The following TAFA2 variants were observed in gnomAD, a reference collection of about 807,000 sequenced individuals.
The protein encoded by TAFA2 is chemokine-like protein TAFA-2.
In TAFA2, 7 loss-of-function variants were observed where a neutral mutation model predicts 18.8. The ratio of observed to expected loss-of-function variants is 0.37; its 90% CI spans 0.21 to 0.70. The LOEUF is 0.70. TAFA2 is among the 30% of genes least tolerant of loss of function. The probability of loss-of-function intolerance (pLI) is 0.53; values close to 1 mark genes in which losing one functional copy is unlikely to be tolerated. For synonymous variants in TAFA2, 60 were observed against 54.2 expected (o/e 1.11, Z -0.47); for missense variants, 122 against 158.1 (o/e 0.77, Z 1.23).
At chr12:61,885,807 G>A (rs756318036) in intron 1 of TAFA2, among the ~76,000 whole-genome samples, 1 of 152,174 alleles carries the variant, frequency 6.6e-6, no homozygotes, top group African/African-American at 2.4e-5. Flanking sequence ...GAGTGTCGGT[G>A]TTACATCATG....
chr12:61,973,642 G>A (rs192664522), intron 1 of TAFA2, among the ~76,000 whole-genome samples: 2 of 151,610 alleles, frequency 1.3e-5, no homozygotes, highest in Admixed American at 6.6e-5. Context: ...AAGCTCCCCA[G>A]GTGAGTCCAA....
chr12:62,118,765 T>C (rs1297243844), intron 1 of TAFA2, among the ~76,000 whole-genome samples: 1 of 152,126 alleles, frequency 6.6e-6, no homozygotes, highest in Non-Finnish European at 1.5e-5. Context: ...GTTAGTCATA[T>C]GAGTTTTCTC....
chr12:61,738,327 A>ACC, intron 4 of TAFA2, among the ~76,000 whole-genome samples: 1 of 146,908 alleles, frequency 6.8e-6, no homozygotes, highest in Admixed American at 6.8e-5. Context: ...ACACACACAC[A>ACC]CAAACCTAGC....
chr12:62,101,065 G>A (rs1371632451), intron 1 of TAFA2, among the ~76,000 whole-genome samples: 1 of 152,006 alleles, frequency 6.6e-6, no homozygotes, highest in Non-Finnish European at 1.5e-5. Context: ...CAAGCACTCA[G>A]AATGCAGAAA....
chr12:61,932,074 T>C (rs1209564648), intron 1 of TAFA2, among the ~76,000 whole-genome samples: 1 of 152,150 alleles, frequency 6.6e-6, no homozygotes, highest in Non-Finnish European at 1.5e-5. Flanking sequence ...TATCAGAAAA[T>C]TAATTTCCTC....
intron 2 of TAFA2, among the ~76,000 whole-genome samples, chr12:61,829,203 A>C (rs183661616): frequency 6.6e-6 from 1 of 151,870 alleles, no homozygotes; most frequent in African/African-American, 2.4e-5. Context: ...ATAGTACTGC[A>C]CTGAAGTTTG....
intron 2 of TAFA2, among the ~76,000 whole-genome samples, chr12:61,787,563 T>G (rs1052018284): frequency 6.6e-6 from 1 of 151,634 alleles, no homozygotes; most frequent in Admixed American, 6.6e-5. Flanking sequence ...AAAATGTAAA[T>G]TGTGAAGAGG....
intron 2 of TAFA2, among the ~76,000 whole-genome samples, chr12:61,825,088 A>C (rs1368652171): frequency 6.6e-6 from 1 of 152,148 alleles, no homozygotes; most frequent in Non-Finnish European, 1.5e-5. Context: ...TTTATTGGAG[A>C]AACTTAAAGG....
At chr12:61,875,183 G>A (rs1025892508) in intron 1 of TAFA2, among the ~76,000 whole-genome samples, 2 of 152,056 alleles carry the variant, frequency 1.3e-5, no homozygotes, top group African/African-American at 4.8e-5. Flanking sequence ...CTAAAGGTAT[G>A]TCTTTCATTC....
intron 1 of TAFA2, among the ~76,000 whole-genome samples, chr12:62,228,596 G>A (rs2062798172): frequency 6.6e-6 from 1 of 152,134 alleles, no homozygotes; most frequent in Non-Finnish European, 1.5e-5. Context: ...GTATAAGATA[G>A]TATCTCACTG....
At chr12:61,776,346 G>A in intron 2 of TAFA2, 1 of 168,958 alleles carries the variant, frequency 5.9e-6, no homozygotes, top group Non-Finnish European at 1.3e-5. Context: ...CACACTTTGT[G>A]AGAACCAACG....
At chr12:61,738,111 T>C (rs976555025) in intron 4 of TAFA2, among the ~76,000 whole-genome samples, 5 of 152,016 alleles carry the variant, frequency 3.3e-5, no homozygotes, top group Non-Finnish European at 7.4e-5. Flanking sequence ...CTGCATCAGT[T>C]TCTACTTGGT....
chr12:62,090,378 A>G (rs1868657851), intron 1 of TAFA2, among the ~76,000 whole-genome samples: 1 of 152,096 alleles, frequency 6.6e-6, no homozygotes, highest in Admixed American at 6.6e-5. Flanking sequence ...ACTGGACCAC[A>G]TATCAAAATT....
intron 4 of TAFA2, among the ~76,000 whole-genome samples, chr12:61,749,684 G>A (rs778902355): frequency 3.3e-5 from 5 of 152,022 alleles, no homozygotes; most frequent in African/African-American, 4.8e-5. Flanking sequence ...TGCATAAAGT[G>A]AAAGATTTCA....
At chr12:62,209,781 G>C (rs1302744980) in intron 1 of TAFA2, among the ~76,000 whole-genome samples, 1 of 152,180 alleles carries the variant, frequency 6.6e-6, no homozygotes, top group African/African-American at 2.4e-5. Flanking sequence ...CCAAAAGTGG[G>C]AAAGAAAACT....
At chr12:62,147,060 A>G (rs1343611776) in intron 1 of TAFA2, among the ~76,000 whole-genome samples, 1 of 151,546 alleles carries the variant, frequency 6.6e-6, no homozygotes, top group Non-Finnish European at 1.5e-5. Flanking sequence ...AAAATGAACC[A>G]TGAGGAAAGG....
chr12:62,123,612 C>G (rs984299860), intron 1 of TAFA2, among the ~76,000 whole-genome samples: 1 of 151,932 alleles, frequency 6.6e-6, no homozygotes, highest in African/African-American at 2.4e-5. Context: ...TAATATATCC[C>G]CCACATTTGA....
chr12:62,200,673 A>C (rs569182451), intron 1 of TAFA2, among the ~76,000 whole-genome samples: 1 of 152,264 alleles, frequency 6.6e-6, no homozygotes, highest in South Asian at 2.1e-4. Flanking sequence ...GTATAGTTTG[A>C]AGTCAGGTAG....
chr12:61,863,323 T>C (rs545148901), intron 2 of TAFA2, among the ~76,000 whole-genome samples: 32 of 152,260 alleles, frequency 2.1e-4, no homozygotes, highest in Middle Eastern at 3.4e-3. Context: ...AGGAATATAT[T>C]AGGTATACAG....
Sources: allele counts gnomAD v4.1 joint callset (sites outside exome capture counted in the v4.1 genomes callset), GRCh38; gene constraint gnomAD v4.1.1; transcripts MANE v1.5; gene names NCBI Gene and HGNC (gene_info 2026-07-23, HGNC 2026-07-21).